ZBTB46: variants seen among roughly 807,000 people sequenced by gnomAD.
ZBTB46 encodes zinc finger and BTB domain containing 46.
A neutral mutation model predicts 44.1 loss-of-function variants in ZBTB46; 8 were observed. The ratio of observed to expected loss-of-function variants is 0.18; its 90% CI spans 0.11 to 0.33. ZBTB46 has a LOEUF of 0.33. Among genes scored for constraint, ZBTB46 ranks in the 10% least tolerant of loss-of-function variants. ZBTB46 has a pLI of 1.00. For synonymous variants in ZBTB46, 409 were observed against 382.3 expected (o/e 1.07, Z -0.81); for missense variants, 651 against 847.7 (o/e 0.77, Z 2.88).
At chr20:63,749,538 G>A (rs113280105) in intron 4 of ZBTB46, among the ~76,000 whole-genome samples, 2,407 of 152,160 alleles carry the variant, frequency 0.016, 64 homozygotes, top group African/African-American at 0.053. Flanking sequence ...GGGTTTCACC[G>A]TGTTAGCCAG....
At chr20:63,808,306 AGT>A (rs1360119243) in intron 1 of ZBTB46, among the ~76,000 whole-genome samples, 1 of 152,206 alleles carries the variant, frequency 6.6e-6, no homozygotes, top group Non-Finnish European at 1.5e-5. Context: ...CCTGTAGGCC[AGT>A]CAAGCCATCC....
intron 3 of ZBTB46, among the ~76,000 whole-genome samples, chr20:63,772,371 C>T (rs2092382132): frequency 6.6e-6 from 1 of 152,156 alleles, no homozygotes; most frequent in African/African-American, 2.4e-5. Flanking sequence ...AGAGAAATAA[C>T]AAAAGACCCA....
intron 1 of ZBTB46, among the ~76,000 whole-genome samples, chr20:63,813,046 C>T (rs950724237): frequency 2.6e-5 from 4 of 151,544 alleles, no homozygotes; most frequent in African/African-American, 9.7e-5. Context: ...TGCAGTGAGC[C>T]GAGATCGCAC....
chr20:63,793,380 C>A (rs899969599), intron 1 of ZBTB46, among the ~76,000 whole-genome samples: 3 of 152,182 alleles, frequency 2.0e-5, no homozygotes, highest in African/African-American at 7.2e-5. Flanking sequence ...CACAGCTTCA[C>A]CCAGATTAAC....
At chr20:63,769,879 C>T (rs1462497323) in intron 3 of ZBTB46, among the ~76,000 whole-genome samples, 2 of 152,246 alleles carry the variant, frequency 1.3e-5, no homozygotes, top group Non-Finnish European at 2.9e-5. Flanking sequence ...CAAGCTGCAA[C>T]TGTTCTCTGC....
intron 1 of ZBTB46, among the ~76,000 whole-genome samples, chr20:63,793,165 G>A (rs2092574620): frequency 6.6e-6 from 1 of 152,220 alleles, no homozygotes; most frequent in East Asian, 1.9e-4. Context: ...GAGAACAAAG[G>A]CCCCATCCCG....
rs1347853910 is a variant in ZBTB46, at chr20:63,744,297, C to T, written c.*2633G>A. 2 of 152,148 alleles carry T rather than the reference C, an allele frequency of 1.3e-5. No homozygotes were observed. Among genetic ancestry groups the T allele is most frequent in the Non-Finnish European group, 2.9e-5 (2 of 68,040 alleles). 9.4% of individuals were successfully genotyped at this position (152,148 alleles called of 1,614,324 possible). A position where few individuals can be genotyped will look rare whatever the true frequency, so the allele number is the denominator to read the frequency against. ...AAGCTGCGTCTTCTGAGTCAGTTCC[C>T]TACGTAGCCCTGGCAGTGTCCTGTG... On this transcript the variant is annotated 3_prime_UTR_variant, in exon 5 of 5. Coordinates refer to ENST00000245663, the MANE Select transcript of ZBTB46 (RefSeq NM_001369741.1).
intron 1 of ZBTB46, among the ~76,000 whole-genome samples, chr20:63,791,854 ATG>A (rs1385780039): frequency 6.6e-6 from 1 of 152,160 alleles, no homozygotes; most frequent in Non-Finnish European, 1.5e-5. Flanking sequence ...AGACTCAGGG[ATG>A]TGAGTCCTCC....
intron 3 of ZBTB46, among the ~76,000 whole-genome samples, chr20:63,772,976 G>A (rs1449154027): frequency 6.6e-6 from 1 of 152,212 alleles, no homozygotes; most frequent in Non-Finnish European, 1.5e-5. Context: ...CCCCGAGGAA[G>A]GGGAGAAACT....
intron 1 of ZBTB46, chr20:63,808,059 C>G (rs1441993800): frequency 6.6e-6 from 1 of 150,952 alleles, no homozygotes; most frequent in South Asian, 2.0e-4. Context: ...AACGGACCTT[C>G]CCACAGGGGA....
At chr20:63,807,743 G>C (rs1189190268) in intron 1 of ZBTB46, among the ~76,000 whole-genome samples, 2 of 152,240 alleles carry the variant, frequency 1.3e-5, no homozygotes, top group African/African-American at 2.4e-5. Flanking sequence ...AGCTGTACTA[G>C]GCCAAAACAA....
At chr20:63,826,167 G>A in intron 1 of ZBTB46, among the ~76,000 whole-genome samples, 1 of 152,258 alleles carries the variant, frequency 6.6e-6, no homozygotes, top group East Asian at 1.9e-4. Flanking sequence ...CAGAGTGGTT[G>A]GAAGAGATGA....
At chr20:63,810,326 G>T (rs375112959) in intron 1 of ZBTB46, among the ~76,000 whole-genome samples, 1 of 152,172 alleles carries the variant, frequency 6.6e-6, no homozygotes, top group Non-Finnish European at 1.5e-5. Context: ...TGCCAGTCAC[G>T]TGGATGCTTA....
intron 1 of ZBTB46, among the ~76,000 whole-genome samples, chr20:63,820,956 G>A (rs6011159): frequency 0.079 from 11,973 of 150,820 alleles, 934 homozygotes; most frequent in East Asian, 0.45. Flanking sequence ...GCAATGGTGC[G>A]ATCTCAGCTC....
chr20:63,759,333 C>T (rs1009676764), intron 3 of ZBTB46, among the ~76,000 whole-genome samples: 1 of 152,148 alleles, frequency 6.6e-6, no homozygotes, highest in African/African-American at 2.4e-5. Flanking sequence ...GTTCTATATG[C>T]ATAGTCATGT....
At chr20:63,809,348 G>A (rs2092704660) in intron 1 of ZBTB46, among the ~76,000 whole-genome samples, 1 of 152,222 alleles carries the variant, frequency 6.6e-6, no homozygotes, top group South Asian at 2.1e-4. Flanking sequence ...CTGGGGTGGT[G>A]GCCCCACATC....
At chr20:63,774,949 C>T (rs1281816847) in intron 3 of ZBTB46, among the ~76,000 whole-genome samples, 2 of 152,130 alleles carry the variant, frequency 1.3e-5, no homozygotes, top group East Asian at 1.9e-4. Flanking sequence ...GTGGTCTGCC[C>T]GCCTCAGCCT....
At chr20:63,777,576 C>T (rs192654557) in intron 2 of ZBTB46, among the ~76,000 whole-genome samples, 30 of 152,328 alleles carry the variant, frequency 2.0e-4, no homozygotes, top group Admixed American at 5.2e-4. Flanking sequence ...CGGAGCAGGT[C>T]GGCAGGTCCT....
chr20:63,784,959 C>T (rs1465565859), intron 2 of ZBTB46, among the ~76,000 whole-genome samples: 1 of 152,176 alleles, frequency 6.6e-6, no homozygotes, highest in Non-Finnish European at 1.5e-5. Context: ...TGTGGCCGGG[C>T]GTGGTGGCTC....
Sources: allele counts gnomAD v4.1 joint callset (sites outside exome capture counted in the v4.1 genomes callset), GRCh38; gene constraint gnomAD v4.1.1; transcripts MANE v1.5; gene names NCBI Gene and HGNC (gene_info 2026-07-23, HGNC 2026-07-21).